The following CADPS variants were observed in gnomAD, a reference collection of about 807,000 sequenced individuals.
CADPS encodes calcium dependent secretion activator, also known as calcium-dependent secretion activator 1.
In CADPS, 57 loss-of-function variants were observed where a neutral mutation model predicts 167.3. That is an observed-to-expected ratio of 0.34 (90% CI 0.28 to 0.42). The LOEUF (loss-of-function observed/expected upper bound fraction) is 0.42, where lower values mean the gene tolerates loss of function less well. Among genes scored for constraint, CADPS ranks in the 20% least tolerant of loss-of-function variants. The probability of loss-of-function intolerance (pLI) is 1.00; values close to 1 mark genes in which losing one functional copy is unlikely to be tolerated. For missense variants in CADPS, 1,414 were observed against 1,738.1 expected, an observed-to-expected ratio of 0.81 and a Z score of 3.32; for synonymous variants, 676 against 635.3, an observed-to-expected ratio of 1.06 and a Z score of -0.96.
At chr3:62,413,394 T>C (rs533550938) in intron 28 of CADPS, among the ~76,000 whole-genome samples, 9 of 152,174 alleles carry the variant, frequency 5.9e-5, no homozygotes, top group African/African-American at 1.9e-4. Flanking sequence ...AGAGGATGAG[T>C]GGGTAAACAA....
At chr3:62,629,339 T>C (rs920331438) in intron 6 of CADPS, among the ~76,000 whole-genome samples, 1 of 152,176 alleles carries the variant, frequency 6.6e-6, no homozygotes, top group Non-Finnish European at 1.5e-5. Flanking sequence ...CTCCATAGAT[T>C]TGCATTTTCC....
At chr3:62,784,279 C>G (rs2092146502) in intron 1 of CADPS, among the ~76,000 whole-genome samples, 1 of 152,114 alleles carries the variant, frequency 6.6e-6, no homozygotes, top group South Asian at 2.1e-4. Flanking sequence ...TGATCACCTT[C>G]CAAGGATGTT....
chr3:62,636,479 C>T (rs75489635), intron 6 of CADPS, among the ~76,000 whole-genome samples: 4,686 of 152,266 alleles, frequency 0.031, 255 homozygotes, highest in African/African-American at 0.11. Flanking sequence ...CCAGGTGACT[C>T]TGAAGGACTC....
At chr3:62,778,197 C>T (rs926451695) in intron 1 of CADPS, among the ~76,000 whole-genome samples, 16 of 152,178 alleles carry the variant, frequency 1.1e-4, no homozygotes, top group African/African-American at 3.6e-4. Context: ...ATATATTTCA[C>T]GTATTGGTAA....
intron 1 of CADPS, among the ~76,000 whole-genome samples, chr3:62,794,244 C>A (rs973139321): frequency 1.3e-5 from 2 of 152,050 alleles, no homozygotes; most frequent in African/African-American, 2.4e-5. Flanking sequence ...GTGTAGAATG[C>A]GGATAACAAC....
chr3:62,509,767 C>T (rs1012597609), intron 17 of CADPS, among the ~76,000 whole-genome samples: 6 of 152,024 alleles, frequency 3.9e-5, no homozygotes, highest in African/African-American at 9.7e-5. Flanking sequence ...TGTAGTCTTC[C>T]TATGTAAAAA....
intron 7 of CADPS, among the ~76,000 whole-genome samples, chr3:62,590,239 G>A (rs572837591): frequency 1.3e-5 from 2 of 151,816 alleles, no homozygotes; most frequent in East Asian, 1.9e-4. Flanking sequence ...GGTCTTCGGA[G>A]GCTCATTGTG....
intron 3 of CADPS, among the ~76,000 whole-genome samples, chr3:62,730,131 C>A (rs878943175): frequency 6.6e-6 from 1 of 152,016 alleles, no homozygotes; most frequent in East Asian, 1.9e-4. Context: ...CACTTCATGA[C>A]GGTCTTCTTT....
chr3:62,817,878 A>T lies in CADPS; in HGVS notation c.442-51894T>A, dbSNP rs185919459. On this transcript the variant is annotated intron_variant, in intron 1 of 29. Coordinates refer to ENST00000383710, the MANE Select transcript of CADPS (RefSeq NM_003716.4). ...GATTGCATGTGGCCTTCCAAGTTCA[A>T]ATGTCTATATTACCACATTTCCCTT... Among the ~76,000 whole-genome samples the T allele has an allele frequency of 1.0e-3, 155 of 152,280 alleles. 1 individual carries two copies. Among genetic ancestry groups the T allele is most frequent in the Admixed American group, 4.9e-3 (75 of 15,286 alleles).
intron 13 of CADPS, among the ~76,000 whole-genome samples, chr3:62,528,127 T>C (rs542206876): frequency 2.6e-5 from 4 of 152,338 alleles, no homozygotes; most frequent in African/African-American, 9.6e-5. Flanking sequence ...GCATCTCACC[T>C]GGAAATGTTG....
chr3:62,738,604 T>TA (rs1166765574), intron 3 of CADPS, among the ~76,000 whole-genome samples: 2 of 152,098 alleles, frequency 1.3e-5, no homozygotes, highest in Non-Finnish European at 2.9e-5. Flanking sequence ...CAGGGACCTG[T>TA]AATCCTAGCT....
intron 7 of CADPS, among the ~76,000 whole-genome samples, chr3:62,588,919 C>T (rs182957876): frequency 3.9e-5 from 6 of 152,076 alleles, no homozygotes; most frequent in South Asian, 4.2e-4. Context: ...TGCTTATATA[C>T]GCTATGTTGG....
chr3:62,547,599 C>G lies in CADPS; in HGVS notation c.1966+2304G>C, dbSNP rs1029571891. Among the ~76,000 whole-genome samples, 108 of 113,336 alleles carry G rather than the reference C, an allele frequency of 9.5e-4. 3 individuals are homozygous for G. Among genetic ancestry groups the G allele is most frequent in the African/African-American group, 3.2e-3 (78 of 24,196 alleles). 74.4% of individuals were successfully genotyped at this position (113,336 alleles called of 152,430 possible). On this transcript the variant is annotated intron_variant, in intron 11 of 29. Coordinates refer to ENST00000383710, the MANE Select transcript of CADPS (RefSeq NM_003716.4). Reference sequence around the variant, plus strand: ...GATATCATTTACGCCCCCCCCCCCCCGCAAATTCTAACTCTTAGGAGTTTG... The same window carrying G: ...GATATCATTTACGCCCCCCCCCCCCGGCAAATTCTAACTCTTAGGAGTTTG...
chr3:62,695,802 GGACTATAGGCATGAGCCACTGT>G (rs1325256055), intron 3 of CADPS, among the ~76,000 whole-genome samples: 6 of 151,938 alleles, frequency 3.9e-5, no homozygotes, highest in South Asian at 2.1e-4. Flanking sequence ...CCAGTAGCTG[GGACTATAGGCATGAGCCACTGT>G]GACTATAGGC....
chr3:62,872,840 T>A (rs1330069342), intron 1 of CADPS, among the ~76,000 whole-genome samples: 2 of 152,160 alleles, frequency 1.3e-5, no homozygotes, highest in Non-Finnish European at 2.9e-5. Context: ...ACACTTAAAG[T>A]CACAGTTTTC....
Position 62,499,235 on chromosome 3 carries a change from T to C in CADPS, c.2633A>G (p.Lys878Arg). ...NVGRLITPAK[K>R]LEDTIRLAEL... ...AGCAAGACGTATTGTATCTTCAAGC[T>C]TTTTGGCAGGAGTGATTAACCGGCC... Residue 878 changes from lysine (K) to arginine (R), a missense_variant, in exon 18 of 30, where the codon AAG becomes AGG. Transcript: ENST00000383710. 4 of 1,613,364 alleles carry C rather than the reference T, an allele frequency of 2.5e-6. No individual in the cohort carries two copies. Among genetic ancestry groups the C allele is most frequent in the Non-Finnish European group, 3.4e-6 (4 of 1,179,358 alleles).
chr3:62,532,832 T>C (rs750872892), intron 13 of CADPS, 39 bp downstream of exon 13: 25 of 1,592,166 alleles, frequency 1.6e-5, no homozygotes, highest in Non-Finnish European at 2.0e-5. Context: ...CAGTGCCATT[T>C]CTTAAGGATC....
chr3:62,549,024 T>C (rs556369031), intron 11 of CADPS, among the ~76,000 whole-genome samples: 3 of 152,354 alleles, frequency 2.0e-5, no homozygotes, highest in African/African-American at 7.2e-5. Flanking sequence ...AGACAGTTGC[T>C]CAATGACCTA....
chr3:62,427,606 C>T (rs903200419), intron 28 of CADPS, among the ~76,000 whole-genome samples: 2 of 152,056 alleles, frequency 1.3e-5, no homozygotes, highest in Non-Finnish European at 2.9e-5. Context: ...CCAGGAATGT[C>T]TCCAGACATG....
Sources: allele counts gnomAD v4.1 joint callset (sites outside exome capture counted in the v4.1 genomes callset), GRCh38; gene constraint gnomAD v4.1.1; transcripts MANE v1.5; gene names NCBI Gene and HGNC (gene_info 2026-07-23, HGNC 2026-07-21).